SMG5: variants seen among roughly 807,000 people sequenced by gnomAD.
The protein encoded by SMG5 is nonsense-mediated mRNA decay factor SMG5.
Under a neutral mutation model 122.9 loss-of-function variants are expected in SMG5, and 53 were observed. The observed-to-expected ratio is 0.43, with a 90% CI of 0.35 to 0.54. The LOEUF is 0.54. Among genes scored for constraint, SMG5 ranks in the 20% least tolerant of loss-of-function variants. The pLI, the probability that SMG5 is intolerant of heterozygous loss-of-function variation, is 0.01. For synonymous variants in SMG5, 477 were observed against 490.2 expected, an observed-to-expected ratio of 0.97 and a Z score of 0.35; for missense variants, 1,153 against 1,285.6, an observed-to-expected ratio of 0.90 and a Z score of 1.58.
At chr1:156,269,396 C>T (rs775786554) in intron 7 of SMG5, among the ~76,000 whole-genome samples, 1 of 152,198 alleles carries the variant, frequency 6.6e-6, no homozygotes, top group African/African-American at 2.4e-5. Flanking sequence ...GTGTGAGACA[C>T]TATGCCCAGC....
rs1205363773 is a variant in SMG5 at position 156,264,267 on chromosome 1, C to CAAAAAAAAAAAA, written c.1856-709_1856-698dup. On this transcript the variant is annotated intron_variant, in intron 12 of 21. Coordinates refer to ENST00000361813, the MANE Select transcript of SMG5 (RefSeq NM_015327.3). ...TGGGCAACAGAGCGAGACTCCGTCTCAAAAAAAAAAAAAAAAAAAAAAAAA... is the reference window on the plus strand; with the variant it reads ...TGGGCAACAGAGCGAGACTCCGTCTCAAAAAAAAAAAAAAAAAAAAAAAAAAAAAAAAAAAAA... 5.2e-4 allele frequency among the ~76,000 whole-genome samples: 28 copies of CAAAAAAAAAAAA among 53,980 alleles called. 3 individuals are homozygous for CAAAAAAAAAAAA. The highest frequency in any genetic ancestry group is 2.3e-3 in the African/African-American group (28 of 12,294). 35.4% of individuals were successfully genotyped at this position (53,980 alleles called of 152,430 possible).
intron 12 of SMG5, among the ~76,000 whole-genome samples, chr1:156,264,845 G>A (rs1014644715): frequency 6.6e-6 from 1 of 152,040 alleles, no homozygotes; most frequent in Non-Finnish European, 1.5e-5. Context: ...GGCCAACATG[G>A]CGAAACCCCG....
intron 7 of SMG5, among the ~76,000 whole-genome samples, chr1:156,268,995 G>C (rs1316566789): frequency 6.8e-6 from 1 of 147,956 alleles, no homozygotes; most frequent in African/African-American, 2.5e-5. Flanking sequence ...TTTTGAAACT[G>C]AGTCTCACTC....
chr1:156,279,190 A>T lies in SMG5; in HGVS notation c.75-156T>A, dbSNP rs560089385. On this transcript the variant is annotated intron_variant, in intron 1 of 21. Coordinates refer to ENST00000361813, the MANE Select transcript of SMG5 (RefSeq NM_015327.3). ...GCTCTGTACAAAACAAGATGAACAC[A>T]GTCTCCATCTTGTTACAGTAACCCC... is the stretch of plus-strand genomic sequence containing the variant. Among the ~76,000 whole-genome samples the T allele has an allele frequency of 2.0e-4, 31 of 152,266 alleles. 1 individual carries two copies. The South Asian group carries it at 4.1e-3, about 20-fold the overall frequency.
chr1:156,275,657 G>A (rs1328986149), intron 4 of SMG5, among the ~76,000 whole-genome samples: 2 of 152,142 alleles, frequency 1.3e-5, no homozygotes, highest in African/African-American at 4.8e-5. Context: ...CTTCTCAGTT[G>A]GCTGAATGGA....
At chr1:156,276,243 C>T (rs765162762) in intron 4 of SMG5, among the ~76,000 whole-genome samples, 5 of 151,690 alleles carry the variant, frequency 3.3e-5, no homozygotes, top group Non-Finnish European at 7.4e-5. Context: ...TCTCTTGCCT[C>T]AGCCTCCTGA....
rs765011793 is a variant in SMG5 at position 156,266,151 on chromosome 1, A to G, written c.1485T>C (p.Ser495=). 1 of 1,614,172 alleles carries G rather than the reference A, an allele frequency of 6.2e-7. No homozygotes were observed. Among genetic ancestry groups the G allele is most frequent in the Non-Finnish European group, 8.5e-7 (1 of 1,180,024 alleles). The change falls in exon 12 of 22, where the codon AGT becomes AGC. Residue 495 remains serine, a synonymous_variant. Coordinates refer to ENST00000361813, the MANE Select transcript of SMG5 (RefSeq NM_015327.3). ...CACCTTCAAGACTCTTGTCAGAGCC[A>G]CTGTCTGAGCCCTCACTGGCCCGGG... The part of the protein sequence containing the change: ...DSARASEGSD[S]GSDKSLEGGG...
At chr1:156,268,263 C>T in intron 8 of SMG5, 27 bp downstream of exon 8, 2 of 1,614,108 alleles carry the variant, frequency 1.2e-6, no homozygotes, top group Non-Finnish European at 8.5e-7. Flanking sequence ...GCAGAAAAAA[C>T]CCGTCCTCCT....
At chr1:156,272,455 A>T (rs1336876944) in intron 6 of SMG5, 57 bp from the exon 7 acceptor site, 2 of 1,426,626 alleles carry the variant, frequency 1.4e-6, no homozygotes. Flanking sequence ...CAAAGCTGCC[A>T]GGCCCAACCA....
chr1:156,289,085 A>G, the SMG5 span, among the ~76,000 whole-genome samples: 1 of 152,212 alleles, frequency 6.6e-6, no homozygotes, highest in Admixed American at 6.5e-5. Flanking sequence ...ACCATGGACA[A>G]GTTCATTAAG....
At chr1:156,285,058 C>T, upstream of SMG5, 1 of 671,274 alleles carries the variant, frequency 1.5e-6, no homozygotes, top group Non-Finnish European at 2.3e-6. Flanking sequence ...ACCACGTTCT[C>T]CCTAAGGCTC....
At chr1:156,258,955 A>T (rs1661693667) in intron 16 of SMG5, 50 bp downstream of exon 16, 2 of 1,606,700 alleles carry the variant, frequency 1.2e-6, no homozygotes, top group Non-Finnish European at 1.7e-6. Context: ...CTGGTTTCTC[A>T]GTGAGCCCAA....
chr1:156,285,877 GGC>G, upstream of SMG5: 1 of 1,613,836 alleles, frequency 6.2e-7, no homozygotes, highest in Non-Finnish European at 8.5e-7. Context: ...TACTATACGG[GGC>G]ATATGCCTTC....
chr1:156,268,981 T>C (rs1189853242), intron 7 of SMG5, among the ~76,000 whole-genome samples: 2 of 152,052 alleles, frequency 1.3e-5, no homozygotes, highest in Admixed American at 6.6e-5. Context: ...CTCTTTTTTT[T>C]TTTTTTTGAA....
chr1:156,290,192 T>A, the SMG5 span: 1 of 152,192 alleles, frequency 6.6e-6, no homozygotes, highest in African/African-American at 2.4e-5. Flanking sequence ...TATAGTATGC[T>A]GCCATACTTC....
chr1:156,254,250 C>G (rs1661479591), intron 16 of SMG5, among the ~76,000 whole-genome samples: 1 of 152,224 alleles, frequency 6.6e-6, no homozygotes, highest in South Asian at 2.1e-4. Context: ...TTCAATCCCT[C>G]TTCTCCACCT....
chr1:156,285,365 C>T, upstream of SMG5: 1 of 1,580,288 alleles, frequency 6.3e-7, no homozygotes, highest in Non-Finnish European at 8.6e-7. Context: ...AGCTGAGTCC[C>T]TCAGAGTGGG....
chr1:156,261,063 G>T (rs989018207), intron 14 of SMG5, among the ~76,000 whole-genome samples: 4 of 152,200 alleles, frequency 2.6e-5, no homozygotes, highest in Admixed American at 2.6e-4. Flanking sequence ...CAGCAGCTAG[G>T]TCTGGCTCCC....
chr1:156,291,002 T>TAGATCTC, the SMG5 span: 3 of 224,218 alleles, frequency 1.3e-5, no homozygotes, highest in Admixed American at 5.1e-5. Context: ...CAGCCAGGTG[T>TAGATCTC]GGTGGCCCGC....
Sources: allele counts gnomAD v4.1 joint callset (sites outside exome capture counted in the v4.1 genomes callset), GRCh38; gene constraint gnomAD v4.1.1; transcripts MANE v1.5; gene names NCBI Gene and HGNC (gene_info 2026-07-23, HGNC 2026-07-21).